Variants in HNRNPLL observed in about 807,000 individuals in gnomAD.
HNRNPLL encodes the protein heterogeneous nuclear ribonucleoprotein L-like.
In HNRNPLL, 25 loss-of-function variants were observed where a neutral mutation model predicts 67.1. That is an observed-to-expected ratio of 0.37 (90% CI 0.27 to 0.52). The LOEUF is 0.52. HNRNPLL is among the 20% of genes least tolerant of loss of function. The pLI is 0.90. For synonymous variants in HNRNPLL, 267 were observed against 241.7 expected (o/e 1.10, Z -0.97); for missense variants, 542 against 673.9 (o/e 0.80, Z 2.17).
At chr2:38,598,673 C>A (rs1572467864) in intron 1 of HNRNPLL, among the ~76,000 whole-genome samples, 1 of 152,322 alleles carries the variant, frequency 6.6e-6, no homozygotes, top group East Asian at 1.9e-4. Flanking sequence ...TCACTGAGTT[C>A]CAGAGAGGTT....
intron 2 of HNRNPLL, among the ~76,000 whole-genome samples, chr2:38,590,113 T>C (rs1666900304): frequency 6.6e-6 from 1 of 152,194 alleles, no homozygotes; most frequent in Non-Finnish European, 1.5e-5. Context: ...ATACAAACTT[T>C]ACTATGCCCA....
intron 8 of HNRNPLL, among the ~76,000 whole-genome samples, chr2:38,570,925 G>A (rs910899912): frequency 6.6e-6 from 1 of 151,860 alleles, no homozygotes; most frequent in Non-Finnish European, 1.5e-5. Context: ...GCATGCACCT[G>A]TAGTCCCAGC....
rs144452636 is a variant in HNRNPLL, at chr2:38,590,070, T to C, written c.308+1460A>G. Among the ~76,000 whole-genome samples, 74 of 152,334 alleles carry C rather than the reference T, an allele frequency of 4.9e-4. 4 individuals are homozygous for C. The East Asian group carries it at 0.014, about 28-fold the overall frequency. ...AATATCCACTCCAAATGACTGAGAA[T>C]TGATATAATCAACTTAGTGATACAC... On this transcript the variant is annotated intron_variant, in intron 2 of 12. Coordinates refer to ENST00000449105, the MANE Select transcript of HNRNPLL (RefSeq NM_138394.4).
chr2:38,575,300 T>C lies in HNRNPLL; in HGVS notation c.875-1873A>G, dbSNP rs373946591. Among the ~76,000 whole-genome samples, 23 of 151,892 alleles carry C rather than the reference T, an allele frequency of 1.5e-4. No homozygotes were observed. In the South Asian group the frequency reaches 4.6e-3, roughly 30 times the overall value. ...ATTGATAATAGAAAGTCTGGGTGTT[T>C]AAAAAACTAATGCTTCAAATATTTA... On this transcript the variant is annotated intron_variant, in intron 7 of 12. Transcript: ENST00000449105.
At chr2:38,588,345 C>T (rs1252257584) in intron 2 of HNRNPLL, among the ~76,000 whole-genome samples, 1 of 151,568 alleles carries the variant, frequency 6.6e-6, no homozygotes, top group Admixed American at 6.6e-5. Context: ...GTCAGGAGTT[C>T]AAGGCCAGCC....
rs149945559 is a variant in HNRNPLL, at chr2:38,596,712, T to C, written c.190-5064A>G. 6.0e-3 allele frequency among the ~76,000 whole-genome samples: 921 copies of C among 152,342 alleles called. 7 individuals are homozygous for C. Among genetic ancestry groups the C allele is most frequent in the African/African-American group, 0.021 (877 of 41,580 alleles). On this transcript the variant is annotated intron_variant, in intron 1 of 12. Coordinates refer to ENST00000449105, the MANE Select transcript of HNRNPLL (RefSeq NM_138394.4). ...TCTTCTCCAGCTTAAGGAGTCCTTTTTTTAATCTTTCCTCATACAGGAGCC... is the reference window on the plus strand; with the variant it reads ...TCTTCTCCAGCTTAAGGAGTCCTTTCTTTAATCTTTCCTCATACAGGAGCC...
At chr2:38,568,475 A>G (rs1406869015) in intron 10 of HNRNPLL, 32 bp from the exon 11 acceptor site, 3 of 1,410,556 alleles carry the variant, frequency 2.1e-6, no homozygotes, top group Admixed American at 4.2e-5. Context: ...CATTAAAAAT[A>G]TAGCCAAAAT....
intron 12 of HNRNPLL, among the ~76,000 whole-genome samples, chr2:38,567,173 G>A (rs1309647351): frequency 5.3e-5 from 8 of 152,100 alleles, no homozygotes; most frequent in East Asian, 1.9e-4. Context: ...GCGTGATCTC[G>A]TCTCACTGCA....
At chr2:38,580,299 G>A (rs17022951) in intron 6 of HNRNPLL, among the ~76,000 whole-genome samples, 9,082 of 152,160 alleles carry the variant, frequency 0.06, 516 homozygotes, top group African/African-American at 0.15. Flanking sequence ...CCCAAGGCCA[G>A]GCAGATTTCC....
chr2:38,599,914 A>C (rs1417116117), intron 1 of HNRNPLL: 1 of 471,246 alleles, frequency 2.1e-6, no homozygotes, highest in African/African-American at 2.0e-5. Flanking sequence ...TTACTTTAAC[A>C]GTCTGACCAC....
rs765131683 is a variant in HNRNPLL, at chr2:38,569,199, C to T, written c.1350G>A (p.Gln450=). 3.1e-6 allele frequency: 5 copies of T among 1,613,436 alleles called. No homozygotes were observed. In the East Asian group the frequency reaches 1.1e-4, roughly 36 times the overall value. The change falls in exon 10 of 13, where the codon CAG becomes CAA. Residue 450 remains glutamine (Q), a synonymous_variant. Coordinates refer to ENST00000449105, the MANE Select transcript of HNRNPLL (RefSeq NM_138394.4). ...SAGQASKNII[Q]PPSCVLHYYN... ...AATAATGCAAAACACAGGAGGGTGGCTGGATTATATTCTTAGATGCTTGGC... is the reference window on the plus strand; with the variant it reads ...AATAATGCAAAACACAGGAGGGTGGTTGGATTATATTCTTAGATGCTTGGC...
chr2:38,591,752 G>A, intron 1 of HNRNPLL, 104 bp from the exon 2 acceptor site: 1 of 609,742 alleles, frequency 1.6e-6, no homozygotes, highest in Non-Finnish European at 2.9e-6. Context: ...AAAGTGGGAG[G>A]GTCATTTGAG....
In HNRNPLL at chr2:38,569,860, T is replaced by C; in HGVS notation, c.1158A>G (p.Glu386=). The change falls in exon 9 of 13, where the codon GAA becomes GAG. Residue 386 remains glutamate, a synonymous_variant. Coordinates refer to ENST00000449105, the MANE Select transcript of HNRNPLL (RefSeq NM_138394.4). ...LVEMGDEYAV[E]RAVTHLNNVK... ...CATTATTAAGGTGTGTGACAGCTCTTTCTACAGCATACTCATCACCCATTT... is the reference window on the plus strand; with the variant it reads ...CATTATTAAGGTGTGTGACAGCTCTCTCTACAGCATACTCATCACCCATTT... 1 of 1,556,868 alleles carries C rather than the reference T, an allele frequency of 6.4e-7. No individual in the cohort carries two copies. The highest frequency in any genetic ancestry group is 8.9e-7 in the Non-Finnish European group (1 of 1,129,506).
Position 38,602,805 on chromosome 2 carries a change from T to C in HNRNPLL, c.-179A>G. 1.9e-6 allele frequency: 3 copies of C among 1,543,648 alleles called. No homozygotes were observed. The highest frequency in any genetic ancestry group is 2.6e-6 in the Non-Finnish European group (3 of 1,144,218). On this transcript the variant is annotated 5_prime_UTR_variant, in exon 1 of 13. Coordinates refer to ENST00000449105, the MANE Select transcript of HNRNPLL (RefSeq NM_138394.4). ...TGGCGGCTGAGAAGCGCGGACGGAC[T>C]GAGGGGGGCGCCCCGGGAGGAAGCT...
At chr2:38,592,257 G>T (rs1348786874) in intron 1 of HNRNPLL, among the ~76,000 whole-genome samples, 1 of 152,132 alleles carries the variant, frequency 6.6e-6, no homozygotes, top group African/African-American at 2.4e-5. Context: ...TGCTACAACT[G>T]GAAGTATATT....
chr2:38,596,579 T>G (rs1275436948), intron 1 of HNRNPLL, among the ~76,000 whole-genome samples: 2 of 152,178 alleles, frequency 1.3e-5, no homozygotes, highest in African/African-American at 4.8e-5. Flanking sequence ...TTTTACCTAC[T>G]CTAAAATAAC....
Position 38,563,256 on chromosome 2 carries a change from T to C in HNRNPLL, c.*926A>G, listed in dbSNP as rs1302898174. ...TATCTGTTTGGAATAAAAATAAAAT[T>C]AGATCCTTAAATCTTGTACCATATA... On this transcript the variant is annotated 3_prime_UTR_variant, in exon 13 of 13. Coordinates refer to ENST00000449105, the MANE Select transcript of HNRNPLL (RefSeq NM_138394.4). 6.6e-6 allele frequency: 1 copy of C among 151,914 alleles called. No homozygotes were observed. Among genetic ancestry groups the C allele is most frequent in the Non-Finnish European group, 1.5e-5 (1 of 67,904 alleles). The allele number at this position is 151,914 out of a possible 1,614,324, so 9.4% of individuals were successfully genotyped here.
rs1665698562 is a variant in HNRNPLL at position 38,562,129 on chromosome 2, C to T, written c.*2053G>A. The T allele has an allele frequency of 6.6e-6, 1 of 152,088 alleles. No individual in the cohort carries two copies. The highest frequency in any genetic ancestry group is 1.5e-5 in the Non-Finnish European group (1 of 68,006). The allele number at this position is 152,088 out of a possible 1,614,324, so 9.4% of individuals were successfully genotyped here. ...TTCTTCTAAAAGCATAAAGATAGCA[C>T]AGAGAAGAATGTTGCCAAGGCTAAG... On this transcript the variant is annotated 3_prime_UTR_variant, in exon 13 of 13. Coordinates refer to ENST00000449105, the MANE Select transcript of HNRNPLL (RefSeq NM_138394.4).
At chr2:38,602,218 C>T (rs1298161490) in intron 1 of HNRNPLL, 6 of 536,526 alleles carry the variant, frequency 1.1e-5, no homozygotes, top group Non-Finnish European at 1.9e-5. Flanking sequence ...GCAGTGGACT[C>T]GCTGCGGGGC....
Sources: gnomAD v4.1 joint callset for allele counts (sites outside exome capture counted in the v4.1 genomes callset) on GRCh38, gnomAD v4.1.1 for gene constraint, MANE v1.5 for transcripts, NCBI Gene and HGNC (gene_info 2026-07-23, HGNC 2026-07-21) for gene names.